The following DAB1 variants were observed in gnomAD, a reference collection of about 807,000 sequenced individuals.
The protein encoded by DAB1 is DAB adaptor protein 1.
In DAB1, 15 loss-of-function variants were observed where a neutral mutation model predicts 64.6. The observed-to-expected ratio is 0.23, with a 90% CI of 0.16 to 0.36. The LOEUF (loss-of-function observed/expected upper bound fraction) is 0.36. DAB1 is among the 10% of genes least tolerant of loss of function. The probability of loss-of-function intolerance (pLI) is 1.00; values close to 1 mark genes in which losing one functional copy is unlikely to be tolerated. For missense variants in DAB1, 596 were observed against 706.7 expected, an observed-to-expected ratio of 0.84 and a Z score of 1.78; for synonymous variants, 235 against 251.9, an observed-to-expected ratio of 0.93 and a Z score of 0.64.
chr1:57,128,443 A>G (rs1342991800), intron 4 of DAB1, among the ~76,000 whole-genome samples: 1 of 152,170 alleles, frequency 6.6e-6, no homozygotes, highest in African/African-American at 2.4e-5. Flanking sequence ...TTTTACAAAT[A>G]AAGTTTTATT....
chr1:57,117,992 G>A (rs886609906), intron 4 of DAB1, among the ~76,000 whole-genome samples: 1 of 152,158 alleles, frequency 6.6e-6, no homozygotes, highest in African/African-American at 2.4e-5. Flanking sequence ...AATACAGCCA[G>A]GCTGAAGTGA....
At chr1:57,686,435 CGGACCAGATGGAT>C (rs1303639296) in intron 6 of DAB1, among the ~76,000 whole-genome samples, 2 of 151,904 alleles carry the variant, frequency 1.3e-5, no homozygotes, top group African/African-American at 4.8e-5. Flanking sequence ...AGAAAAACCG[CGGACCAGATGGAT>C]GGACAGCCAA....
At chr1:57,597,645 G>A (rs975958613) in intron 7 of DAB1, among the ~76,000 whole-genome samples, 54 of 152,330 alleles carry the variant, frequency 3.5e-4, no homozygotes, top group African/African-American at 1.3e-3. Context: ...ACAATAACAG[G>A]TAACTTCTAC....
chr1:58,383,375 A>G (rs1277277364), intron 3 of DAB1, among the ~76,000 whole-genome samples: 1 of 152,096 alleles, frequency 6.6e-6, no homozygotes, highest in African/African-American at 2.4e-5. Flanking sequence ...CTCACAGTGG[A>G]CTCCTAGCGG....
chr1:57,386,142 C>T (rs770512321), intron 1 of DAB1, among the ~76,000 whole-genome samples: 13 of 152,056 alleles, frequency 8.5e-5, no homozygotes, highest in Non-Finnish European at 1.5e-4. Flanking sequence ...AAGTCAAGAG[C>T]TTGGCATGTA....
chr1:57,906,870 T>C (rs572990209), intron 5 of DAB1, among the ~76,000 whole-genome samples: 1 of 152,136 alleles, frequency 6.6e-6, no homozygotes. Context: ...AATGAATAGA[T>C]GTGTATGCAC....
At chr1:58,232,476 T>TACACACACAC (rs58863239) in intron 4 of DAB1, among the ~76,000 whole-genome samples, 91 of 144,126 alleles carry the variant, frequency 6.3e-4, no homozygotes, top group South Asian at 5.3e-3. Flanking sequence ...TCTGAGTGAA[T>TACACACACAC]ACACACACAC....
intron 5 of DAB1, among the ~76,000 whole-genome samples, chr1:58,134,474 C>T (rs1266723604): frequency 6.6e-6 from 1 of 151,986 alleles, no homozygotes; most frequent in East Asian, 1.9e-4. Flanking sequence ...AGTCCATTCT[C>T]ACACTGCTAT....
intron 6 of DAB1, among the ~76,000 whole-genome samples, chr1:57,739,678 C>T (rs906689376): frequency 2.0e-5 from 3 of 150,860 alleles, no homozygotes; most frequent in Non-Finnish European, 2.9e-5. Context: ...GTCTCAAACT[C>T]CTGATCTCAA....
chr1:58,389,525 TA>T (rs1644460001), intron 3 of DAB1, among the ~76,000 whole-genome samples: 1 of 152,162 alleles, frequency 6.6e-6, no homozygotes, highest in African/African-American at 2.4e-5. Flanking sequence ...GGCATAGGAT[TA>T]AGAGTTCTGG....
chr1:58,162,864 C>G (rs1461230742), intron 4 of DAB1, among the ~76,000 whole-genome samples: 5 of 152,158 alleles, frequency 3.3e-5, no homozygotes, highest in Non-Finnish European at 7.3e-5. Flanking sequence ...TACCTAGACT[C>G]TAGGTCAGTG....
chr1:58,054,800 C>T (rs543264759), intron 5 of DAB1, among the ~76,000 whole-genome samples: 4 of 152,158 alleles, frequency 2.6e-5, no homozygotes, highest in African/African-American at 9.7e-5. Flanking sequence ...GCATGAAACA[C>T]AGTGGGGAGA....
At chr1:57,724,084 C>T (rs1298766527) in intron 6 of DAB1, among the ~76,000 whole-genome samples, 1 of 152,058 alleles carries the variant, frequency 6.6e-6, no homozygotes, top group Non-Finnish European at 1.5e-5. Flanking sequence ...AGTGAACTTC[C>T]TGCTGATGGA....
At chr1:58,501,023 T>G (rs1645898527) in intron 3 of DAB1, among the ~76,000 whole-genome samples, 2 of 152,204 alleles carry the variant, frequency 1.3e-5, no homozygotes, top group Non-Finnish European at 2.9e-5. Flanking sequence ...TGATACAACA[T>G]CTGCTCTTCA....
intron 2 of DAB1, among the ~76,000 whole-genome samples, chr1:57,152,036 A>T (rs1393109286): frequency 6.6e-6 from 1 of 151,832 alleles, no homozygotes; most frequent in African/African-American, 2.4e-5. Flanking sequence ...CTGGTCTCGA[A>T]CTCCTAACCT....
chr1:57,339,861 T>A (rs1360435889), intron 1 of DAB1, among the ~76,000 whole-genome samples: 1 of 152,236 alleles, frequency 6.6e-6, no homozygotes, highest in East Asian at 1.9e-4. Flanking sequence ...CAAAAGGTTC[T>A]AATGTTTCAG....
At chr1:58,398,504 A>G (rs540377031) in intron 3 of DAB1, among the ~76,000 whole-genome samples, 1 of 152,366 alleles carries the variant, frequency 6.6e-6, no homozygotes, top group African/African-American at 2.4e-5. Context: ...CTGTTTTCAC[A>G]TCTGTACCCA....
intron 5 of DAB1, among the ~76,000 whole-genome samples, chr1:58,014,694 G>A (rs1051222752): frequency 6.6e-6 from 1 of 152,188 alleles, no homozygotes; most frequent in Non-Finnish European, 1.5e-5. Context: ...CATCTCAGTG[G>A]CTCCAGGGGA....
At chr1:57,177,042 T>C (rs1030370295) in intron 2 of DAB1, among the ~76,000 whole-genome samples, 3 of 146,064 alleles carry the variant, frequency 2.1e-5, no homozygotes, top group Non-Finnish European at 4.5e-5. Flanking sequence ...AATTTGTAAA[T>C]GTGTCCTCCC....
Sources: allele counts gnomAD v4.1 joint callset (sites outside exome capture counted in the v4.1 genomes callset), GRCh38; gene constraint gnomAD v4.1.1; transcripts MANE v1.5; gene names NCBI Gene and HGNC (gene_info 2026-07-23, HGNC 2026-07-21).